SYNCRIP: variants seen among roughly 807,000 people sequenced by gnomAD.
SYNCRIP encodes synaptotagmin binding cytoplasmic RNA interacting protein.
A neutral mutation model predicts 68.9 loss-of-function variants in SYNCRIP; 9 were observed. The observed-to-expected ratio is 0.13, with a 90% CI of 0.08 to 0.23. SYNCRIP has a LOEUF of 0.23. Among genes scored for constraint, SYNCRIP ranks in the 10% least tolerant of loss-of-function variants. The probability of loss-of-function intolerance (pLI) is 1.00; values close to 1 mark genes in which losing one functional copy is unlikely to be tolerated. For missense variants in SYNCRIP, 414 were observed against 770.6 expected (o/e 0.54, Z 5.48); for synonymous variants, 258 against 254.0 (o/e 1.02, Z -0.15).
rs138443521 is a variant in SYNCRIP at position 85,616,215 on chromosome 6, C to T, written c.1281-868G>A. Among the ~76,000 whole-genome samples the T allele has an allele frequency of 7.9e-5, 12 of 152,298 alleles. No individual in the cohort carries two copies. The East Asian group carries it at 2.1e-3, about 27-fold the overall frequency. On this transcript the variant is annotated intron_variant, in intron 10 of 10. Transcript: ENST00000369622. ...CCTACAGTACAATTTTATACAATTCCTTAAAACTTAGTGATTATTTTGAGC... is the reference window on the plus strand; with the variant it reads ...CCTACAGTACAATTTTATACAATTCTTTAAAACTTAGTGATTATTTTGAGC...
Position 85,614,707 on chromosome 6 carries a change from G to T in SYNCRIP, c.*49C>A. On this transcript the variant is annotated 3_prime_UTR_variant, in exon 11 of 11. Transcript: ENST00000369622. ...CGGCACCCGTTCAGATTTAGGGTGA[G>T]TTTCTGATCAACCTATCAGTCTCCA... 1.3e-6 allele frequency: 2 copies of T among 1,511,880 alleles called. No individual in the cohort carries two copies. The highest frequency in any genetic ancestry group is 1.8e-6 in the Non-Finnish European group (2 of 1,131,824). The allele number at this position is 1,511,880 out of a possible 1,614,324, so 93.7% of individuals were successfully genotyped here. A position where few individuals can be genotyped will look rare whatever the true frequency, so the allele number is the denominator to read the frequency against.
chr6:85,623,488 T>TG (rs1235687567), intron 7 of SYNCRIP, among the ~76,000 whole-genome samples: 2 of 134,692 alleles, frequency 1.5e-5, no homozygotes, highest in Non-Finnish European at 3.0e-5. Flanking sequence ...CCCTTGAATC[T>TG]GGGAGGCAGA....
chr6:85,621,402 G>A (rs1033313402), intron 8 of SYNCRIP, among the ~76,000 whole-genome samples: 2 of 152,126 alleles, frequency 1.3e-5, no homozygotes, highest in East Asian at 3.8e-4. Flanking sequence ...GCTAAGAATT[G>A]TAAGACCGGC....
At chr6:85,620,287 A>G (rs1806240349) in intron 8 of SYNCRIP, among the ~76,000 whole-genome samples, 1 of 152,240 alleles carries the variant, frequency 6.6e-6, no homozygotes, top group African/African-American at 2.4e-5. Flanking sequence ...GAAGAAACCA[A>G]GATGTTCTTC....
At position 85,614,996 on chromosome 6, in the gene SYNCRIP, T is replaced by C. The variant is rs756768062; in HGVS notation, c.1632A>G (p.Gln544=). The part of the protein sequence containing the change: ...GVRGARGGAQ[Q]QRGRGVRGAR... ...CACCACGTACCCCGCGGCCTCTTTGTTGTTGGGCACCTCCTCTCGCACCTC... is the reference window on the plus strand; with the variant it reads ...CACCACGTACCCCGCGGCCTCTTTGCTGTTGGGCACCTCCTCTCGCACCTC... Residue 544 remains glutamine, a synonymous_variant, in exon 11 of 11, where the codon CAA becomes CAG. Transcript: ENST00000369622. 2.5e-6 allele frequency: 4 copies of C among 1,613,692 alleles called. No individual in the cohort carries two copies. The highest frequency in any genetic ancestry group is 4.5e-5 in the East Asian group (2 of 44,860).
intron 7 of SYNCRIP, 79 bp downstream of exon 7, chr6:85,623,898 A>T: frequency 6.5e-7 from 1 of 1,530,474 alleles, no homozygotes; most frequent in Middle Eastern, 1.7e-4. Flanking sequence ...TGTATTTAGA[A>T]CAATGCATGA....
intron 6 of SYNCRIP, among the ~76,000 whole-genome samples, chr6:85,630,333 C>T (rs1807594705): frequency 6.6e-6 from 1 of 152,154 alleles, no homozygotes; most frequent in African/African-American, 2.4e-5. Context: ...TGCACTCCAG[C>T]CTGGGCAACA....
At chr6:85,618,789 C>A (rs1399600524) in intron 10 of SYNCRIP, 29 bp downstream of exon 10, 17 of 1,531,444 alleles carry the variant, frequency 1.1e-5, no homozygotes, top group South Asian at 3.7e-5. Flanking sequence ...AAAATTTATA[C>A]AATTTTTAAG....
In SYNCRIP at chr6:85,614,957, G is replaced by A. The variant is rs1454550652; in HGVS notation, c.1671C>T (p.Arg557=). 30 of 1,613,808 alleles carry A rather than the reference G, an allele frequency of 1.9e-5. No homozygotes were observed. The highest frequency in any genetic ancestry group is 2.2e-5 in the East Asian group (1 of 44,868). ...GRGVRGARGG[R]GGNVGGKRKA... is the part of the protein sequence containing the mutation. The stretch of plus-strand genomic sequence containing the variant: ...TGCGCTTTCCTCCTACATTTCCACC[G>A]CGGCCACCCCTCGCACCACGTACCC... Residue 557 remains arginine (R), a synonymous_variant, in exon 11 of 11, where the codon CGC becomes CGT. Coordinates refer to ENST00000369622, the MANE Select transcript of SYNCRIP (RefSeq NM_006372.5).
At chr6:85,642,276 A>G (rs1562119677) in intron 1 of SYNCRIP, among the ~76,000 whole-genome samples, 1 of 151,512 alleles carries the variant, frequency 6.6e-6, no homozygotes, top group Non-Finnish European at 1.5e-5. Flanking sequence ...CCGGGCGCCG[A>G]CGACCCCCGG....
chr6:85,625,827 A>T (rs1041812501), intron 6 of SYNCRIP, among the ~76,000 whole-genome samples: 6 of 152,210 alleles, frequency 3.9e-5, no homozygotes, highest in Non-Finnish European at 8.8e-5. Flanking sequence ...AGGGTCAACA[A>T]AATACTCCTC....
At position 85,635,813 on chromosome 6, in the gene SYNCRIP, TG is replaced by T. The variant is rs1265883236; in HGVS notation, c.666+1153del. Among the ~76,000 whole-genome samples the T allele has an allele frequency of 3.3e-5, 5 of 150,118 alleles. No individual in the cohort carries two copies. In the East Asian group the frequency reaches 9.7e-4, roughly 29 times the overall value. ...AAAAAAAAAAGAAAAGGAAGACTTATGAGTTTTATTTTTCTCTTTAAGGCTT... is the reference window on the plus strand; with the variant it reads ...AAAAAAAAAAGAAAAGGAAGACTTATAGTTTTATTTTTCTCTTTAAGGCTT... On this transcript the variant is annotated intron_variant, in intron 6 of 10. Transcript: ENST00000369622.
chr6:85,617,345 T>C (rs1413233461), intron 10 of SYNCRIP, among the ~76,000 whole-genome samples: 1 of 152,242 alleles, frequency 6.6e-6, no homozygotes, highest in Non-Finnish European at 1.5e-5. Flanking sequence ...AAGTACCAAA[T>C]GTAACTGCTC....
chr6:85,633,636 C>T (rs188200526), intron 6 of SYNCRIP, among the ~76,000 whole-genome samples: 1 of 152,144 alleles, frequency 6.6e-6, no homozygotes, highest in African/African-American at 2.4e-5. Context: ...ATGGTATGAC[C>T]AATATATCCT....
intron 1 of SYNCRIP, among the ~76,000 whole-genome samples, chr6:85,642,089 G>A (rs1583328266): frequency 6.6e-6 from 1 of 152,242 alleles, no homozygotes; most frequent in African/African-American, 2.4e-5. Context: ...AAACCAAGAC[G>A]ACCATCACTG....
In SYNCRIP at chr6:85,640,267, G is replaced by T; in HGVS notation, c.329C>A (p.Thr110Asn). 1 of 1,613,674 alleles carries T rather than the reference G, an allele frequency of 6.2e-7. No individual in the cohort carries two copies. The highest frequency in any genetic ancestry group is 8.5e-7 in the Non-Finnish European group (1 of 1,179,860). ...KTYRQREKQGTKVADSSKGPD... is the reference protein window; with the variant it reads ...KTYRQREKQGNKVADSSKGPD... ...TCCTTTACTAGAATCTGCTACTTTG[G>T]TCCCTTGTTTTTCTCTCTGCCTGTA... The change falls in exon 4 of 11, where the codon ACC (threonine) becomes AAC (asparagine). Residue 110 changes from threonine to asparagine, a missense_variant. Physicochemically the swap from Thr to Asn is moderately conservative, Grantham distance 65. This residue lies in a region of SYNCRIP where 110 missense variants were observed against 269.3 expected (regional missense o/e 0.41). Transcript: ENST00000369622.
intron 6 of SYNCRIP, among the ~76,000 whole-genome samples, chr6:85,625,668 G>T (rs1161925105): frequency 6.6e-6 from 1 of 152,106 alleles, no homozygotes; most frequent in Non-Finnish European, 1.5e-5. Context: ...TTACAGGTGT[G>T]ACCCACCATG....
intron 6 of SYNCRIP, among the ~76,000 whole-genome samples, chr6:85,636,002 A>G (rs1158012093): frequency 6.6e-6 from 1 of 152,140 alleles, no homozygotes; most frequent in Non-Finnish European, 1.5e-5. Context: ...ATCTTGTACA[A>G]AAGTTCTCCC....
At chr6:85,615,724 C>A (rs1241011071) in intron 10 of SYNCRIP, among the ~76,000 whole-genome samples, 3 of 152,154 alleles carry the variant, frequency 2.0e-5, no homozygotes, top group Non-Finnish European at 2.9e-5. Context: ...GCAGGTGAAT[C>A]GCTTGAACCC....
Sources: allele counts gnomAD v4.1 joint callset (sites outside exome capture counted in the v4.1 genomes callset), GRCh38; gene constraint gnomAD v4.1.1; regional missense constraint gnomAD v4.1.1; transcripts MANE v1.5; gene names NCBI Gene and HGNC (gene_info 2026-07-23, HGNC 2026-07-21).